The following FMN1 variants were observed in gnomAD, a reference collection of about 807,000 sequenced individuals.
The protein encoded by FMN1 is formin 1.
Under a neutral mutation model 132.4 loss-of-function variants are expected in FMN1, and 110 were observed. The observed-to-expected ratio is 0.83, with a 90% CI of 0.71 to 0.97. FMN1 has a LOEUF of 0.97. Among genes scored for constraint, FMN1 ranks in the 50% least tolerant of loss-of-function variants. The probability of loss-of-function intolerance (pLI) is 0.00; values close to 1 mark genes in which losing one functional copy is unlikely to be tolerated. For missense variants in FMN1, 1,792 were observed against 1,705.3 expected (o/e 1.05, Z -0.90); for synonymous variants, 722 against 651.7 (o/e 1.11, Z -1.64).
intron 19 of FMN1, among the ~76,000 whole-genome samples, chr15:32,790,492 A>C (rs371291643): frequency 7.2e-5 from 11 of 152,234 alleles, no homozygotes; most frequent in South Asian, 2.1e-4. Context: ...CTCTGTGGGG[A>C]GTTTCTAAAA....
In FMN1 at chr15:32,835,964, G is replaced by A. The variant is rs2058613749; in HGVS notation, c.3928+21051C>T. Reference sequence around the variant, plus strand: ...CAGCCTCAATCTTCTGGGCTCAAGTGTTCCTCCCACCTCAGCCTCTCTGTA... The same window carrying A: ...CAGCCTCAATCTTCTGGGCTCAAGTATTCCTCCCACCTCAGCCTCTCTGTA... On this transcript the variant is annotated intron_variant, in intron 17 of 20. Coordinates refer to ENST00000616417, the MANE Select transcript of FMN1 (RefSeq NM_001277313.2). 1.3e-5 allele frequency among the ~76,000 whole-genome samples: 2 copies of A among 152,046 alleles called. 1 individual carries two copies. The highest frequency in any genetic ancestry group is 4.2e-4 in the South Asian group (2 of 4,816).
chr15:32,880,535 T>C (rs1366150318), intron 16 of FMN1, among the ~76,000 whole-genome samples: 1 of 152,234 alleles, frequency 6.6e-6, no homozygotes, highest in Non-Finnish European at 1.5e-5. Context: ...ACCTTCCTTC[T>C]CCACTGAATT....
At chr15:32,812,014 CTAAA>C (rs1029686403) in intron 17 of FMN1, among the ~76,000 whole-genome samples, 4 of 103,398 alleles carry the variant, frequency 3.9e-5, no homozygotes, top group African/African-American at 1.4e-4. Context: ...TTTATGGACA[CTAAA>C]CAAACAAACA....
chr15:33,116,434 T>C (rs2039928383), intron 4 of FMN1, among the ~76,000 whole-genome samples: 2 of 152,214 alleles, frequency 1.3e-5, no homozygotes, highest in Non-Finnish European at 1.5e-5. Flanking sequence ...GCTGTTTCTA[T>C]GCCTCATTTC....
chr15:33,115,499 C>CA lies in FMN1; in HGVS notation c.1868-26526_1868-26525insT, dbSNP rs1566928955. 9.6e-3 allele frequency among the ~76,000 whole-genome samples: 1,378 copies of CA among 143,698 alleles called. 21 individuals carry two copies. The highest frequency in any genetic ancestry group is 0.038 in the Middle Eastern group (11 of 286). The allele number at this position is 143,698 out of a possible 152,430, so 94.3% of individuals were successfully genotyped here. A position where few individuals can be genotyped will look rare whatever the true frequency, so the allele number is the denominator to read the frequency against. ...CTGGATTTCATCCTTAAGCCCCCCC[C>CA]CCCCACACACACACGCACACACACA... On this transcript the variant is annotated intron_variant, in intron 4 of 20. Transcript: ENST00000616417.
intron 17 of FMN1, among the ~76,000 whole-genome samples, chr15:32,818,216 T>C (rs796876381): frequency 1.6e-4 from 24 of 152,278 alleles, no homozygotes; most frequent in African/African-American, 5.8e-4. Flanking sequence ...TTGCATTTTA[T>C]TTAACATAAA....
intron 6 of FMN1, among the ~76,000 whole-genome samples, chr15:33,034,675 ATT>A (rs34570711): frequency 6.6e-6 from 1 of 151,800 alleles, no homozygotes; most frequent in Admixed American, 6.6e-5. Flanking sequence ...CCAGAATCTG[ATT>A]TTTTTTTTAC....
chr15:33,189,252 G>A (rs578164742), intron 2 of FMN1, among the ~76,000 whole-genome samples: 1 of 152,324 alleles, frequency 6.6e-6, no homozygotes, highest in African/African-American at 2.4e-5. Context: ...GTAGAAGGTA[G>A]AGGATGCTAC....
chr15:33,122,930 G>A (rs1045511924), intron 4 of FMN1, among the ~76,000 whole-genome samples: 1 of 152,084 alleles, frequency 6.6e-6, no homozygotes, highest in Non-Finnish European at 1.5e-5. Context: ...CAGGCAGTGA[G>A]CTAAATGCTT....
intron 5 of FMN1, among the ~76,000 whole-genome samples, chr15:33,073,732 G>GT (rs763275526): frequency 0.072 from 7,942 of 109,832 alleles, 244 homozygotes; most frequent in South Asian, 0.1. Flanking sequence ...TACCTAGCTT[G>GT]TTTTTTTTTT....
intron 16 of FMN1, among the ~76,000 whole-genome samples, chr15:32,879,301 G>A (rs1266786303): frequency 1.3e-5 from 2 of 152,108 alleles, no homozygotes; most frequent in South Asian, 2.1e-4. Context: ...TGGCAACATG[G>A]TCAGGACTCT....
intron 20 of FMN1, among the ~76,000 whole-genome samples, chr15:32,776,434 A>G (rs2140867615): frequency 6.6e-6 from 1 of 152,296 alleles, no homozygotes; most frequent in East Asian, 1.9e-4. Flanking sequence ...ATCTTTCTGC[A>G]CTTCAAATTT....
intron 19 of FMN1, among the ~76,000 whole-genome samples, chr15:32,797,449 T>C (rs531023088): frequency 6.6e-6 from 1 of 152,344 alleles, no homozygotes; most frequent in Admixed American, 6.5e-5. Flanking sequence ...TATTTTCGTA[T>C]GAGAATTGAT....
chr15:32,899,740 G>A, intron 14 of FMN1: 1 of 553,810 alleles, frequency 1.8e-6, no homozygotes, highest in Non-Finnish European at 3.2e-6. Flanking sequence ...GTATGTCAGA[G>A]CACACGAAGA....
intron 12 of FMN1, among the ~76,000 whole-genome samples, chr15:32,905,691 G>A (rs917608260): frequency 4.6e-5 from 7 of 152,130 alleles, no homozygotes; most frequent in Non-Finnish European, 1.0e-4. Flanking sequence ...TATAGGACTG[G>A]GCACCACAGG....
chr15:33,000,802 G>C (rs1211118228), intron 7 of FMN1, among the ~76,000 whole-genome samples: 1 of 152,170 alleles, frequency 6.6e-6, no homozygotes, highest in African/African-American at 2.4e-5. Context: ...CCTGTACGTG[G>C]TAAAGCTCAA....
intron 19 of FMN1, among the ~76,000 whole-genome samples, 179 bp downstream of exon 19, chr15:32,798,625 T>C (rs2057372700): frequency 6.6e-6 from 1 of 152,184 alleles, no homozygotes; most frequent in Non-Finnish European, 1.5e-5. Flanking sequence ...TCTGCCTGTG[T>C]GGACAGCAAG....
intron 10 of FMN1, among the ~76,000 whole-genome samples, chr15:32,922,545 G>A (rs1026603873): frequency 3.3e-5 from 5 of 151,896 alleles, no homozygotes; most frequent in African/African-American, 1.2e-4. Context: ...GCTGTGTTAA[G>A]GAGAGCACAG....
chr15:32,778,524 A>T (rs7169722), intron 19 of FMN1, among the ~76,000 whole-genome samples: 126 of 152,210 alleles, frequency 8.3e-4, no homozygotes, highest in African/African-American at 2.9e-3. Flanking sequence ...CAAAGCTGAC[A>T]TACACATGGT....
Sources: allele counts gnomAD v4.1 joint callset (sites outside exome capture counted in the v4.1 genomes callset), GRCh38; gene constraint gnomAD v4.1.1; transcripts MANE v1.5; gene names NCBI Gene and HGNC (gene_info 2026-07-23, HGNC 2026-07-21).